Variants in IPCEF1 observed in about 807,000 individuals in gnomAD.
IPCEF1 encodes interaction protein for cytohesin exchange factors 1, also known as interactor protein for cytohesin exchange factors 1.
IPCEF1 carries 31 observed loss-of-function variants against 50.9 expected under a neutral mutation model. That is an observed-to-expected ratio of 0.61 (90% CI 0.46 to 0.82). IPCEF1 has a LOEUF of 0.82. Among genes scored for constraint, IPCEF1 ranks in the 40% least tolerant of loss-of-function variants. The pLI is 0.00. For synonymous variants in IPCEF1, 181 were observed against 192.0 expected (o/e 0.94, Z 0.47); for missense variants, 458 against 514.0 (o/e 0.89, Z 1.05).
At chr6:154,193,170 T>C (rs779076567) in intron 10 of IPCEF1, among the ~76,000 whole-genome samples, 4 of 152,266 alleles carry the variant, frequency 2.6e-5, no homozygotes, top group Admixed American at 1.3e-4. Flanking sequence ...ATATATACCA[T>C]AGAATACTAC....
chr6:154,309,782 TA>T (rs1783032215), intron 1 of IPCEF1, among the ~76,000 whole-genome samples: 1 of 151,484 alleles, frequency 6.6e-6, no homozygotes, highest in Non-Finnish European at 1.5e-5. Context: ...TTTTTTTTTT[TA>T]GATGGAGTCT....
chr6:154,219,000 C>T (rs1404140277), intron 7 of IPCEF1: 3 of 152,158 alleles, frequency 2.0e-5, no homozygotes, highest in Admixed American at 6.5e-5. Context: ...TCACAGCCAA[C>T]AGGATGAAGT....
chr6:154,324,092 A>G (rs376413144), intron 1 of IPCEF1, among the ~76,000 whole-genome samples: 2 of 152,242 alleles, frequency 1.3e-5, no homozygotes, highest in African/African-American at 2.4e-5. Flanking sequence ...ATTTTTCATA[A>G]CAAAGTTAAT....
At chr6:154,291,905 G>C (rs1487839486) in intron 1 of IPCEF1, among the ~76,000 whole-genome samples, 2 of 151,900 alleles carry the variant, frequency 1.3e-5, no homozygotes, top group Non-Finnish European at 2.9e-5. Context: ...GGGTGGTCTG[G>C]ATCTCCTGAC....
intron 1 of IPCEF1, among the ~76,000 whole-genome samples, chr6:154,349,409 C>T (rs1784086672): frequency 1.3e-5 from 2 of 151,228 alleles, no homozygotes; most frequent in African/African-American, 4.9e-5. Context: ...TATTTTAGTA[C>T]AGACGAGGTC....
intron 1 of IPCEF1, among the ~76,000 whole-genome samples, chr6:154,335,174 A>T (rs1783762825): frequency 6.6e-6 from 1 of 151,572 alleles, no homozygotes; most frequent in Admixed American, 6.6e-5. Context: ...ATAAAATAAA[A>T]AGATAATGTC....
At chr6:154,164,149 T>A (rs1243734103) in intron 11 of IPCEF1, among the ~76,000 whole-genome samples, 1 of 152,222 alleles carries the variant, frequency 6.6e-6, no homozygotes, top group Admixed American at 6.5e-5. Context: ...CAAAGGAAGA[T>A]CCTAATTTTT....
At position 154,161,196 on chromosome 6, in the gene IPCEF1, A is replaced by AT. The variant is rs1423862322; in HGVS notation, c.1105-1157dup. On this transcript the variant is annotated intron_variant, in intron 11 of 11. Coordinates refer to ENST00000367220, the MANE Select transcript of IPCEF1 (RefSeq NM_001130700.2). ...ACACTTTCCAGTCTTTCTTTACCCA[A>AT]TTTTTTTCTTTTCTTTTCATTTTTT... Among the ~76,000 whole-genome samples, 3 of 148,766 alleles carry AT rather than the reference A, an allele frequency of 2.0e-5. No individual in the cohort carries two copies. In the South Asian group the frequency reaches 6.4e-4, roughly 32 times the overall value.
chr6:154,274,143 C>T (rs937102533), intron 2 of IPCEF1, among the ~76,000 whole-genome samples: 10 of 151,542 alleles, frequency 6.6e-5, no homozygotes, highest in Non-Finnish European at 1.3e-4. Flanking sequence ...CTTTCTCTTT[C>T]GGTTATCTTC....
chr6:154,301,764 G>C (rs1782801718), intron 1 of IPCEF1, among the ~76,000 whole-genome samples: 1 of 152,088 alleles, frequency 6.6e-6, no homozygotes, highest in South Asian at 2.1e-4. Context: ...CATATAAAAA[G>C]TAAGAATCAC....
At chr6:154,187,133 C>T (rs1020735975) in intron 10 of IPCEF1, among the ~76,000 whole-genome samples, 1 of 152,010 alleles carries the variant, frequency 6.6e-6, no homozygotes, top group Admixed American at 6.6e-5. Flanking sequence ...AAGACTCTTC[C>T]CCAAATATTA....
intron 6 of IPCEF1, 134 bp from the exon 7 acceptor site, chr6:154,221,462 T>C: frequency 1.5e-6 from 1 of 681,566 alleles, no homozygotes; most frequent in Non-Finnish European, 2.5e-6. Flanking sequence ...AATAATTTAG[T>C]AATATTAGAT....
intron 10 of IPCEF1, among the ~76,000 whole-genome samples, chr6:154,171,425 C>T (rs1799860193): frequency 2.0e-5 from 3 of 152,066 alleles, no homozygotes; most frequent in Admixed American, 2.0e-4. Flanking sequence ...GATGAACCCA[C>T]AGAGACAGAA....
intron 10 of IPCEF1, among the ~76,000 whole-genome samples, chr6:154,192,820 T>C (rs966599260): frequency 6.6e-6 from 1 of 152,140 alleles, no homozygotes; most frequent in Admixed American, 6.5e-5. Flanking sequence ...AAAACCATAA[T>C]GTGATACCAC....
At chr6:154,250,372 T>C (rs1329710631) in intron 3 of IPCEF1, among the ~76,000 whole-genome samples, 1 of 152,362 alleles carries the variant, frequency 6.6e-6, no homozygotes, top group East Asian at 1.9e-4. Flanking sequence ...TTTCTCATTC[T>C]ATTTTCTTCC....
At chr6:154,263,019 C>T (rs1286600617) in intron 3 of IPCEF1, among the ~76,000 whole-genome samples, 1 of 152,012 alleles carries the variant, frequency 6.6e-6, no homozygotes, top group East Asian at 1.9e-4. Context: ...TGTGATCCAC[C>T]TGCCTCAGCC....
intron 3 of IPCEF1, among the ~76,000 whole-genome samples, chr6:154,259,582 G>A (rs1173644065): frequency 6.6e-6 from 1 of 150,496 alleles, no homozygotes; most frequent in Admixed American, 6.6e-5. Flanking sequence ...AACCTGGGAG[G>A]CAGAGGTTGT....
rs1798854496 is a variant in IPCEF1 at position 154,159,655 on chromosome 6, A to C, written c.*173T>G. The C allele has an allele frequency of 1.6e-6, 1 of 616,394 alleles. No individual in the cohort carries two copies. Among genetic ancestry groups the C allele is most frequent in the Admixed American group, 3.2e-5 (1 of 30,802 alleles). The allele number at this position is 616,394 out of a possible 1,614,324, so 38.2% of individuals were successfully genotyped here. ...CAATGGATGCGTTACGACTGAAATG[A>C]GGAGCCCTGGTGTATTCGGTGATTA... is the stretch of plus-strand genomic sequence containing the variant. On this transcript the variant is annotated 3_prime_UTR_variant, in exon 12 of 12. Transcript: ENST00000367220.
intron 1 of IPCEF1, among the ~76,000 whole-genome samples, chr6:154,319,033 G>A (rs1452784259): frequency 6.6e-6 from 1 of 152,078 alleles, no homozygotes; most frequent in Non-Finnish European, 1.5e-5. Context: ...TATGCAGCAG[G>A]GTGATAACTA....
Sources: gnomAD v4.1 joint callset for allele counts (sites outside exome capture counted in the v4.1 genomes callset) on GRCh38, gnomAD v4.1.1 for gene constraint, MANE v1.5 for transcripts, NCBI Gene and HGNC (gene_info 2026-07-23, HGNC 2026-07-21) for gene names.